The following ZDHHC17 variants were observed in gnomAD, a reference collection of about 807,000 sequenced individuals.
ZDHHC17 encodes the protein palmitoyltransferase ZDHHC17.
ZDHHC17 carries 40 observed loss-of-function variants against 90.3 expected under a neutral mutation model. That is an observed-to-expected ratio of 0.44 (90% confidence interval 0.34 to 0.58). The LOEUF (loss-of-function observed/expected upper bound fraction) is 0.58. ZDHHC17 is among the 20% of genes least tolerant of loss of function. ZDHHC17 has a pLI of 0.01. For missense variants in ZDHHC17, 614 were observed against 780.8 expected (o/e 0.79, Z 2.55); for synonymous variants, 235 against 252.4 (o/e 0.93, Z 0.65).
At chr12:76,802,562 G>A (rs976786107) in intron 2 of ZDHHC17, among the ~76,000 whole-genome samples, 3 of 152,112 alleles carry the variant, frequency 2.0e-5, no homozygotes, top group Non-Finnish European at 4.4e-5. Context: ...CAATGTGTGT[G>A]TTGTTCTACT....
intron 10 of ZDHHC17, among the ~76,000 whole-genome samples, chr12:76,834,322 A>G (rs1380916601): frequency 6.6e-6 from 1 of 152,210 alleles, no homozygotes; most frequent in African/African-American, 2.4e-5. Context: ...AATATTGACA[A>G]AAGTTTATTA....
intron 2 of ZDHHC17, among the ~76,000 whole-genome samples, chr12:76,802,456 T>C (rs1345829749): frequency 6.6e-6 from 1 of 152,208 alleles, no homozygotes; most frequent in African/African-American, 2.4e-5. Context: ...GTTGACTTCA[T>C]TGATGTTTAT....
chr12:76,822,296 A>G (rs1953172795), intron 7 of ZDHHC17, 110 bp from the exon 8 acceptor site: 8 of 1,414,400 alleles, frequency 5.7e-6, no homozygotes, highest in Admixed American at 2.4e-5. Flanking sequence ...CACAATGTCA[A>G]AACAACGTTA....
chr12:76,844,152 C>T (rs1953466170), intron 12 of ZDHHC17: 1 of 152,140 alleles, frequency 6.6e-6, no homozygotes, highest in Admixed American at 6.5e-5. Context: ...ATATGGCAAA[C>T]AAATTATATA....
chr12:76,781,902 G>A (rs1031179307), intron 1 of ZDHHC17, among the ~76,000 whole-genome samples: 10 of 152,200 alleles, frequency 6.6e-5, no homozygotes, highest in African/African-American at 2.4e-4. Flanking sequence ...GATAGGGTAA[G>A]TACTGTATGA....
intron 1 of ZDHHC17, among the ~76,000 whole-genome samples, chr12:76,769,465 A>G (rs1053145439): frequency 6.6e-6 from 1 of 152,206 alleles, no homozygotes; most frequent in African/African-American, 2.4e-5. Flanking sequence ...TTGTACACAT[A>G]TAAGGTAATT....
intron 1 of ZDHHC17, among the ~76,000 whole-genome samples, chr12:76,779,971 G>A (rs1389977829): frequency 1.3e-5 from 2 of 151,684 alleles, no homozygotes; most frequent in South Asian, 2.1e-4. Flanking sequence ...GAGCATATTT[G>A]TTGTTTTTAT....
chr12:76,791,556 G>T (rs75215597), intron 1 of ZDHHC17, among the ~76,000 whole-genome samples: 2 of 152,102 alleles, frequency 1.3e-5, no homozygotes, highest in Non-Finnish European at 2.9e-5. Flanking sequence ...TCAAGTACCC[G>T]TAGAGACCCA....
intron 1 of ZDHHC17, among the ~76,000 whole-genome samples, chr12:76,787,966 C>A (rs1401195701): frequency 1.3e-5 from 2 of 152,168 alleles, no homozygotes; most frequent in African/African-American, 4.8e-5. Flanking sequence ...CTACCAACTA[C>A]TCAGGAGGCT....
At chr12:76,821,202 T>C (rs923001988) in intron 7 of ZDHHC17, 176 of 1,191,366 alleles carry the variant, frequency 1.5e-4, no homozygotes, top group Non-Finnish European at 1.8e-4. Flanking sequence ...TAGCTGGTTC[T>C]GACAACTTAG....
intron 1 of ZDHHC17, among the ~76,000 whole-genome samples, chr12:76,791,271 A>G (rs960460258): frequency 3.9e-5 from 6 of 152,108 alleles, no homozygotes; most frequent in Non-Finnish European, 7.4e-5. Context: ...TTGGTTATAT[A>G]TTTTTATGCT....
At chr12:76,791,993 C>T (rs1030383852) in intron 1 of ZDHHC17, among the ~76,000 whole-genome samples, 2 of 152,128 alleles carry the variant, frequency 1.3e-5, no homozygotes, top group African/African-American at 4.8e-5. Context: ...CTCTCAGAAC[C>T]TTAATGTCTC....
intron 1 of ZDHHC17, among the ~76,000 whole-genome samples, chr12:76,787,815 T>C (rs935219875): frequency 6.6e-6 from 1 of 152,110 alleles, no homozygotes; most frequent in Non-Finnish European, 1.5e-5. Context: ...ACAATGAAAA[T>C]GATTTATATA....
In ZDHHC17 at chr12:76,847,239, A is replaced by G. The variant is rs76394496; in HGVS notation, c.1507+560A>G. 7.0e-3 allele frequency among the ~76,000 whole-genome samples: 1,067 copies of G among 152,332 alleles called. 30 individuals carry two copies. The East Asian group carries it at 0.089, about 13-fold the overall frequency. ...TGTTGCATTGAGAATGCAGTCTGGA[A>G]AGAGTTTAAGTGGATACGTCACTTA... On this transcript the variant is annotated intron_variant, in intron 14 of 16. Transcript: ENST00000426126.
At chr12:76,767,646 G>T (rs1006079747) in intron 1 of ZDHHC17, among the ~76,000 whole-genome samples, 13 of 152,180 alleles carry the variant, frequency 8.5e-5, no homozygotes, top group African/African-American at 2.7e-4. Flanking sequence ...TTGGCTGGGC[G>T]TGGTGGCTCA....
intron 2 of ZDHHC17, among the ~76,000 whole-genome samples, chr12:76,803,022 T>C (rs1347718401): frequency 1.3e-5 from 2 of 152,004 alleles, no homozygotes; most frequent in African/African-American, 4.8e-5. Flanking sequence ...AAGGCTGAGG[T>C]GGGCAGATCG....
At chr12:76,788,592 T>G (rs1448475069) in intron 1 of ZDHHC17, among the ~76,000 whole-genome samples, 1 of 151,256 alleles carries the variant, frequency 6.6e-6, no homozygotes, top group African/African-American at 2.4e-5. Flanking sequence ...TAAGCAGATT[T>G]CAGGAGTCAA....
chr12:76,773,000 G>A (rs1037756918), intron 1 of ZDHHC17, among the ~76,000 whole-genome samples: 2 of 152,080 alleles, frequency 1.3e-5, no homozygotes, highest in African/African-American at 4.8e-5. Flanking sequence ...ACCTCTACAA[G>A]CACGTGCCAC....
chr12:76,777,876 C>T (rs976319543), intron 1 of ZDHHC17, among the ~76,000 whole-genome samples: 6 of 151,800 alleles, frequency 4.0e-5, no homozygotes, highest in Admixed American at 6.6e-5. Flanking sequence ...CAGAATGAAA[C>T]GAGATTTACT....
Sources: allele counts gnomAD v4.1 joint callset (sites outside exome capture counted in the v4.1 genomes callset), GRCh38; gene constraint gnomAD v4.1.1; transcripts MANE v1.5; gene names NCBI Gene and HGNC (gene_info 2026-07-23, HGNC 2026-07-21).